The following DNAAF10 variants were observed in gnomAD, a reference collection of about 807,000 sequenced individuals.
DNAAF10 encodes the protein dynein axonemal assembly factor 10, also known as WD repeat domain 92.
In DNAAF10, 28 loss-of-function variants were observed where a neutral mutation model predicts 43.7. The ratio of observed to expected loss-of-function variants is 0.64; its 90% confidence interval spans 0.48 to 0.88. The LOEUF (loss-of-function observed/expected upper bound fraction) is 0.88, where lower values mean the gene tolerates loss of function less well. Ranked by LOEUF, DNAAF10 falls within the 40% of genes least tolerant of loss-of-function variation. The pLI, the probability that DNAAF10 is intolerant of heterozygous loss-of-function variation, is 0.00. For missense variants in DNAAF10, 403 were observed against 439.1 expected (o/e 0.92, Z 0.73); for synonymous variants, 156 against 157.3 (o/e 0.99, Z 0.06).
chr2:68,147,325 G>C, intron 2 of DNAAF10, 142 bp downstream of exon 2: 1 of 589,762 alleles, frequency 1.7e-6, no homozygotes, highest in South Asian at 2.2e-5. Context: ...ATATATATTA[G>C]AGACAATTCT....
chr2:68,153,345 T>TAAA (rs775794947), intron 1 of DNAAF10, among the ~76,000 whole-genome samples: 25 of 98,714 alleles, frequency 2.5e-4, no homozygotes, highest in Non-Finnish European at 3.3e-4. Flanking sequence ...AGTGATAAAT[T>TAAA]AAAAAAAAAA....
chr2:68,151,490 C>T (rs1673456732), intron 1 of DNAAF10, among the ~76,000 whole-genome samples: 1 of 152,210 alleles, frequency 6.6e-6, no homozygotes, highest in Non-Finnish European at 1.5e-5. Flanking sequence ...ATCCATTATA[C>T]TTATCAACAA....
At position 68,157,466 on chromosome 2, in the gene DNAAF10, G is replaced by A; in HGVS notation, c.-23C>T. 6.2e-7 allele frequency: 1 copy of A among 1,613,408 alleles called. No individual in the cohort carries two copies. The highest frequency in any genetic ancestry group is 8.5e-7 in the Non-Finnish European group (1 of 1,179,856). ...CATGGTGCAGCCAATTTCAGCTACG[G>A]CAACCGCCACACCCAGAGCCCCCAA... On this transcript the variant is annotated 5_prime_UTR_variant, in exon 1 of 8. Transcript: ENST00000295121.
At position 68,144,690 on chromosome 2, in the gene DNAAF10, C is replaced by T. The variant is rs765684928; in HGVS notation, c.310G>A (p.Val104Ile). The T allele has an allele frequency of 6.2e-7, 1 of 1,613,330 alleles. No individual in the cohort carries two copies. Among genetic ancestry groups the T allele is most frequent in the Non-Finnish European group, 8.5e-7 (1 of 1,179,840 alleles). Residue 104 changes from valine (V) to isoleucine (I), a missense_variant, in exon 3 of 8, where the codon GTA becomes ATA. Coordinates refer to ENST00000295121, the MANE Select transcript of DNAAF10 (RefSeq NM_138458.4). ...IWNLEAPEMP[V>I]YSVKGHKEII... ...TCTTTATGGCCCTTTACAGAATATA[C>T]TGGCATCTCTGGAGCTTCTAAATTC...
chr2:68,157,495 C>T lies in DNAAF10; in HGVS notation c.-52G>A, dbSNP rs1191390418. 6.2e-7 allele frequency: 1 copy of T among 1,613,430 alleles called. No homozygotes were observed. Among genetic ancestry groups the T allele is most frequent in the African/African-American group, 1.3e-5 (1 of 75,042 alleles). On this transcript the variant is annotated 5_prime_UTR_variant, in exon 1 of 8. Transcript: ENST00000295121. Reference sequence around the variant, plus strand: ...CCGCCACACCCAGAGCCCCCAAAAACGGCAACCTGGAAACCAGACTCCAAA... The same window carrying T: ...CCGCCACACCCAGAGCCCCCAAAAATGGCAACCTGGAAACCAGACTCCAAA...
intron 3 of DNAAF10, among the ~76,000 whole-genome samples, chr2:68,142,967 G>C (rs1331526258): frequency 6.6e-6 from 1 of 151,916 alleles, no homozygotes; most frequent in African/African-American, 2.4e-5. Flanking sequence ...GTTCACTGTA[G>C]CCTTGACCTC....
Position 68,138,860 on chromosome 2 carries a change from G to A in DNAAF10, c.518-3C>T, listed in dbSNP as rs1333509226. On this transcript the variant is annotated splice_polypyrimidine_tract_variant and splice_region_variant and intron_variant, in intron 4 of 7. Coordinates refer to ENST00000295121, the MANE Select transcript of DNAAF10 (RefSeq NM_138458.4). The stretch of plus-strand genomic sequence containing the variant: ...TTCTTCTTGATTATAAGCATTGCCT[G>A]GAAATCAAGATACAACATTTCACAT... The A allele has an allele frequency of 1.9e-6, 3 of 1,602,838 alleles. No individual in the cohort carries two copies. The highest frequency in any genetic ancestry group is 2.6e-6 in the Non-Finnish European group (3 of 1,170,290).
chr2:68,130,115 G>GATATAT lies in DNAAF10; in HGVS notation c.*1117_*1122dup, dbSNP rs59876151. ...CAACCGTGCCGTTTTGAGAGAGAGA[G>GATATAT]ATATATATATATATATTTGTTTTTT... On this transcript the variant is annotated 3_prime_UTR_variant, in exon 8 of 8. Transcript: ENST00000295121. 3.0e-5 allele frequency: 4 copies of GATATAT among 132,948 alleles called. No homozygotes were observed. Among genetic ancestry groups the GATATAT allele is most frequent in the Non-Finnish European group, 4.6e-5 (3 of 65,068 alleles). The allele number at this position is 132,948 out of a possible 1,614,324, so 8.2% of individuals were successfully genotyped here.
At chr2:68,134,331 G>A (rs2103881906) in intron 7 of DNAAF10, 1 of 1,042,662 alleles carries the variant, frequency 9.6e-7, no homozygotes, top group Non-Finnish European at 1.2e-6. Flanking sequence ...AGGCTCTGTT[G>A]GGGTCTATCA....
chr2:68,153,374 T>G (rs757049311), intron 1 of DNAAF10, among the ~76,000 whole-genome samples: 8 of 145,916 alleles, frequency 5.5e-5, no homozygotes, highest in Non-Finnish European at 1.0e-4. Flanking sequence ...AAAAGAACGA[T>G]GCATGAGTTT....
intron 1 of DNAAF10, among the ~76,000 whole-genome samples, chr2:68,151,002 A>G (rs1358922934): frequency 6.6e-6 from 1 of 152,214 alleles, no homozygotes; most frequent in Non-Finnish European, 1.5e-5. Flanking sequence ...CTTCAAAGGA[A>G]AGAAACCAAA....
chr2:68,150,119 A>C (rs762805853), intron 1 of DNAAF10, among the ~76,000 whole-genome samples: 1 of 152,176 alleles, frequency 6.6e-6, no homozygotes, highest in Non-Finnish European at 1.5e-5. Flanking sequence ...AGGCCATGGA[A>C]GAGGTAAAAA....
chr2:68,156,540 C>A (rs1673621444), intron 1 of DNAAF10, among the ~76,000 whole-genome samples: 2 of 152,212 alleles, frequency 1.3e-5, no homozygotes, highest in African/African-American at 2.4e-5. Context: ...TCTTTCCACA[C>A]CCTGCTTAAA....
intron 7 of DNAAF10, among the ~76,000 whole-genome samples, chr2:68,132,608 C>T (rs751087702): frequency 1.3e-5 from 2 of 152,090 alleles, no homozygotes; most frequent in Non-Finnish European, 2.9e-5. Context: ...AAAAACAAGT[C>T]GTGAATAACT....
intron 7 of DNAAF10, 184 bp downstream of exon 7, chr2:68,134,518 T>C (rs1672991039): frequency 1.4e-6 from 2 of 1,438,782 alleles, no homozygotes; most frequent in Admixed American, 3.3e-5. Flanking sequence ...GTGTACACTC[T>C]ACTAAGTGTA....
chr2:68,147,609 G>A (rs1451670897), intron 1 of DNAAF10, 42 bp from the exon 2 acceptor site: 1 of 1,442,120 alleles, frequency 6.9e-7, no homozygotes, highest in Admixed American at 2.0e-5. Context: ...ATTTATGTAA[G>A]CAGATATTTA....
chr2:68,157,339 G>C lies in DNAAF10; in HGVS notation c.105C>G (p.Thr35=). The C allele has an allele frequency of 1.2e-6, 2 of 1,614,188 alleles. No individual in the cohort carries two copies. The highest frequency in any genetic ancestry group is 2.2e-5 in the South Asian group (2 of 91,080). ...CGGTGCCCCGTGCGAAGTTGCCCAT[G>C]GTCACAAATTTGGCGCTGCAGGGCA... ...KWVPCSAKFV[T]MGNFARGTGV... Residue 35 remains threonine (T), a synonymous_variant, in exon 1 of 8, where the codon ACC becomes ACG. Transcript: ENST00000295121.
intron 1 of DNAAF10, among the ~76,000 whole-genome samples, chr2:68,152,397 C>T (rs1287061342): frequency 1.3e-5 from 2 of 152,076 alleles, no homozygotes; most frequent in African/African-American, 4.8e-5. Context: ...TCAGAAGGGC[C>T]GAGCTCTGTT....
chr2:68,142,036 T>C (rs113326126), intron 3 of DNAAF10, among the ~76,000 whole-genome samples: 2,921 of 152,298 alleles, frequency 0.019, 83 homozygotes, highest in African/African-American at 0.063. Context: ...AGCCAACAAG[T>C]GTTCCTAAGT....
Sources: gnomAD v4.1 joint callset for allele counts (sites outside exome capture counted in the v4.1 genomes callset) on GRCh38, gnomAD v4.1.1 for gene constraint, MANE v1.5 for transcripts, NCBI Gene and HGNC (gene_info 2026-07-23, HGNC 2026-07-21) for gene names.